SIPA1L1: variants seen among roughly 807,000 people sequenced by gnomAD.
The protein encoded by SIPA1L1 is signal-induced proliferation-associated 1-like protein 1.
SIPA1L1 carries 26 observed loss-of-function variants against 162.7 expected under a neutral mutation model. The observed-to-expected ratio is 0.16, with a 90% CI of 0.12 to 0.22. The LOEUF (loss-of-function observed/expected upper bound fraction) is 0.22, where lower values mean the gene tolerates loss of function less well. SIPA1L1 is among the 10% of genes least tolerant of loss of function. The probability of loss-of-function intolerance (pLI) is 1.00; values close to 1 mark genes in which losing one functional copy is unlikely to be tolerated. For missense variants in SIPA1L1, 1,874 were observed against 2,241.0 expected (o/e 0.84, Z 3.31); for synonymous variants, 829 against 837.4 (o/e 0.99, Z 0.17).
intron 10 of SIPA1L1, among the ~76,000 whole-genome samples, chr14:71,664,689 T>TAAAA (rs1230103441): frequency 6.6e-6 from 1 of 152,238 alleles, no homozygotes; most frequent in African/African-American, 2.4e-5. Context: ...AAGTGCTTTT[T>TAAAA]AGCATTTAAA....
intron 2 of SIPA1L1, among the ~76,000 whole-genome samples, chr14:71,443,844 C>G (rs1595490425): frequency 6.6e-6 from 1 of 152,204 alleles, no homozygotes; most frequent in Non-Finnish European, 1.5e-5. Context: ...CACACTGTCC[C>G]CCACTGGGGA....
chr14:71,538,461 A>G (rs2054095833), intron 4 of SIPA1L1, among the ~76,000 whole-genome samples: 1 of 152,178 alleles, frequency 6.6e-6, no homozygotes, highest in Non-Finnish European at 1.5e-5. Flanking sequence ...GAAGGCGGTT[A>G]AATGTGTGTA....
intron 12 of SIPA1L1, among the ~76,000 whole-genome samples, chr14:71,682,654 G>A (rs1358519575): frequency 2.6e-5 from 4 of 152,222 alleles, no homozygotes; most frequent in Non-Finnish European, 1.5e-5. Context: ...GGAAGACAGC[G>A]TCTTTGGCCA....
At chr14:71,410,215 G>A (rs1478755233) in intron 2 of SIPA1L1, among the ~76,000 whole-genome samples, 3 of 152,264 alleles carry the variant, frequency 2.0e-5, no homozygotes, top group Middle Eastern at 6.8e-3. Context: ...ATCCGCTGGT[G>A]AGCCATTAAA....
intron 5 of SIPA1L1, among the ~76,000 whole-genome samples, chr14:71,600,939 GTTGATT>G (rs1346387419): frequency 6.6e-6 from 1 of 152,110 alleles, no homozygotes; most frequent in African/African-American, 2.4e-5. Flanking sequence ...TTATGTTGAT[GTTGATT>G]TTGTATAATG....
At chr14:71,670,258 G>A (rs982449879) in intron 10 of SIPA1L1, among the ~76,000 whole-genome samples, 1 of 151,778 alleles carries the variant, frequency 6.6e-6, no homozygotes, top group African/African-American at 2.4e-5. Flanking sequence ...TTTTCCTTTT[G>A]AGGTTAAAAA....
chr14:71,531,061 A>T (rs2053397908), intron 4 of SIPA1L1, among the ~76,000 whole-genome samples: 1 of 152,194 alleles, frequency 6.6e-6, no homozygotes, highest in African/African-American at 2.4e-5. Flanking sequence ...AATACGAAGC[A>T]CTTTTCTCTG....
At chr14:71,514,153 C>G (rs1041324021) in intron 3 of SIPA1L1, among the ~76,000 whole-genome samples, 2 of 152,198 alleles carry the variant, frequency 1.3e-5, no homozygotes, top group Non-Finnish European at 2.9e-5. Context: ...GGTGCAGTAT[C>G]TGCAAAGATA....
intron 5 of SIPA1L1, chr14:71,598,409 CT>C: frequency 5.8e-6 from 1 of 171,890 alleles, no homozygotes; most frequent in African/African-American, 2.4e-5. Context: ...CAGACACAGC[CT>C]TACCTAAGTG....
At chr14:71,715,929 T>A (rs1200910387) in intron 17 of SIPA1L1, among the ~76,000 whole-genome samples, 3 of 152,266 alleles carry the variant, frequency 2.0e-5, no homozygotes, top group Non-Finnish European at 2.9e-5. Flanking sequence ...TAGCCCCTTA[T>A]TAAATAGCTT....
intron 2 of SIPA1L1, among the ~76,000 whole-genome samples, chr14:71,405,306 T>A (rs1296484216): frequency 6.6e-6 from 1 of 152,136 alleles, no homozygotes; most frequent in Non-Finnish European, 1.5e-5. Context: ...ACTTGGCTCA[T>A]TGGAAGGCAT....
chr14:71,641,849 A>C (rs561101305), intron 7 of SIPA1L1, among the ~76,000 whole-genome samples: 53 of 152,374 alleles, frequency 3.5e-4, no homozygotes, highest in Middle Eastern at 3.4e-3. Flanking sequence ...AGTAAAAAAA[A>C]CAAAATTAGT....
intron 9 of SIPA1L1, among the ~76,000 whole-genome samples, chr14:71,660,031 G>A (rs1445168618): frequency 1.3e-5 from 2 of 151,720 alleles, no homozygotes; most frequent in Non-Finnish European, 2.9e-5. Context: ...AGTATAAGAT[G>A]GAAAAATGGA....
At chr14:71,611,522 C>A (rs183320651) in intron 5 of SIPA1L1, among the ~76,000 whole-genome samples, 209 of 152,248 alleles carry the variant, frequency 1.4e-3, no homozygotes, top group Non-Finnish European at 2.5e-3. Context: ...TTTTAAGCCC[C>A]ATATGCATTA....
intron 3 of SIPA1L1, 76 bp from the exon 4 acceptor site, chr14:71,529,236 G>GT (rs772055833): frequency 1.5e-4 from 75 of 491,374 alleles, no homozygotes; most frequent in Admixed American, 9.0e-4. Context: ...TAAGACCTGT[G>GT]TAAGTTATAC....
At chr14:71,516,947 G>A (rs1350931723) in intron 3 of SIPA1L1, among the ~76,000 whole-genome samples, 4 of 152,122 alleles carry the variant, frequency 2.6e-5, no homozygotes, top group Non-Finnish European at 5.9e-5. Flanking sequence ...CACTCCAGCT[G>A]GGGCAACAGA....
At chr14:71,504,775 C>T (rs1367440542) in intron 2 of SIPA1L1, among the ~76,000 whole-genome samples, 1 of 152,258 alleles carries the variant, frequency 6.6e-6, no homozygotes, top group African/African-American at 2.4e-5. Context: ...CTTGCTCTAA[C>T]AAAATTATTT....
chr14:71,510,574 G>A (rs761242767), intron 2 of SIPA1L1, among the ~76,000 whole-genome samples: 15 of 152,060 alleles, frequency 9.9e-5, no homozygotes, highest in Non-Finnish European at 1.9e-4. Flanking sequence ...AGATTATCTG[G>A]CATAGAATGT....
chr14:71,595,445 A>G (rs2035920834), intron 5 of SIPA1L1, among the ~76,000 whole-genome samples: 1 of 152,204 alleles, frequency 6.6e-6, no homozygotes. Flanking sequence ...TTCAACTCCC[A>G]GAACCAAATT....
Sources: gnomAD v4.1 joint callset for allele counts (sites outside exome capture counted in the v4.1 genomes callset) on GRCh38, gnomAD v4.1.1 for gene constraint, MANE v1.5 for transcripts, NCBI Gene and HGNC (gene_info 2026-07-23, HGNC 2026-07-21) for gene names.